The following NOL4 variants were observed in gnomAD, a reference collection of about 807,000 sequenced individuals.
NOL4 encodes the protein nucleolar protein 4, also known as cancer/testis antigen 125.
NOL4 carries 17 observed loss-of-function variants against 75.9 expected under a neutral mutation model. The ratio of observed to expected loss-of-function variants is 0.22; its 90% CI spans 0.15 to 0.34. The LOEUF is 0.34. Among genes scored for constraint, NOL4 ranks in the 10% least tolerant of loss-of-function variants. The pLI is 1.00. For synonymous variants in NOL4, 292 were observed against 289.9 expected, an observed-to-expected ratio of 1.01 and a Z score of -0.07; for missense variants, 614 against 793.5, an observed-to-expected ratio of 0.77 and a Z score of 2.72.
chr18:33,863,743 T>C (rs1227951867), intron 10 of NOL4, among the ~76,000 whole-genome samples: 1 of 152,102 alleles, frequency 6.6e-6, no homozygotes, highest in Non-Finnish European at 1.5e-5. Context: ...GTCTGGAGGA[T>C]GGTGGCCCTC....
At chr18:33,876,090 C>T (rs1206347147) in intron 10 of NOL4, among the ~76,000 whole-genome samples, 1 of 151,984 alleles carries the variant, frequency 6.6e-6, no homozygotes, top group Non-Finnish European at 1.5e-5. Context: ...TATCCAACTT[C>T]GCTTCTCTTA....
chr18:34,190,758 T>A (rs1028269407), intron 1 of NOL4, among the ~76,000 whole-genome samples: 2 of 151,708 alleles, frequency 1.3e-5, no homozygotes, highest in Admixed American at 6.6e-5. Flanking sequence ...TACCAATAAT[T>A]TAAATTATGC....
At chr18:34,078,493 C>G (rs1393549771) in intron 5 of NOL4, among the ~76,000 whole-genome samples, 1 of 152,202 alleles carries the variant, frequency 6.6e-6, no homozygotes, top group Non-Finnish European at 1.5e-5. Context: ...AATGCCATCA[C>G]TTCAACAGAT....
intron 10 of NOL4, among the ~76,000 whole-genome samples, chr18:33,879,581 T>A (rs545001215): frequency 3.3e-4 from 50 of 152,142 alleles, no homozygotes; most frequent in African/African-American, 9.6e-4. Flanking sequence ...CTCTGGAGGC[T>A]GAGATGGGAG....
At chr18:34,098,891 G>C (rs2078912313) in intron 4 of NOL4, among the ~76,000 whole-genome samples, 1 of 152,092 alleles carries the variant, frequency 6.6e-6, no homozygotes, top group Non-Finnish European at 1.5e-5. Flanking sequence ...AGGTAGAGCA[G>C]CATGTCAGTG....
intron 10 of NOL4, among the ~76,000 whole-genome samples, chr18:33,865,425 T>C (rs2063384000): frequency 6.6e-6 from 1 of 152,286 alleles, no homozygotes; most frequent in African/African-American, 2.4e-5. Context: ...TTTTCCAGTA[T>C]TTTTGATCTG....
Position 34,216,164 on chromosome 18 carries a change from G to A in NOL4, c.264+6826C>T, listed in dbSNP as rs1446287788. 2.0e-5 allele frequency among the ~76,000 whole-genome samples: 3 copies of A among 152,218 alleles called. No homozygotes were observed. The East Asian group carries it at 5.8e-4, about 29-fold the overall frequency. Reference sequence around the variant, plus strand: ...AAGTCATAAACAGGGGCACAGTTACGCAGGACAAAATATAGAGTTAGACAA... The same window carrying A: ...AAGTCATAAACAGGGGCACAGTTACACAGGACAAAATATAGAGTTAGACAA... On this transcript the variant is annotated intron_variant, in intron 1 of 10. Transcript: ENST00000261592.
At chr18:34,005,861 C>T (rs923012315) in intron 6 of NOL4, among the ~76,000 whole-genome samples, 1 of 152,038 alleles carries the variant, frequency 6.6e-6, no homozygotes, top group African/African-American at 2.4e-5. Flanking sequence ...TTATTTTCTC[C>T]CAGATAACCT....
chr18:34,170,451 C>A (rs2032920651), intron 1 of NOL4, among the ~76,000 whole-genome samples: 1 of 152,076 alleles, frequency 6.6e-6, no homozygotes, highest in South Asian at 2.1e-4. Context: ...CTCAGCCTCC[C>A]AAAGTGCTGG....
intron 9 of NOL4, among the ~76,000 whole-genome samples, chr18:33,934,295 G>A (rs546919210): frequency 6.6e-6 from 1 of 152,104 alleles, no homozygotes; most frequent in East Asian, 1.9e-4. Flanking sequence ...AAATTCTTAA[G>A]GGCCCTAGGA....
chr18:34,133,977 C>T (rs1449300966), intron 1 of NOL4, among the ~76,000 whole-genome samples: 1 of 152,124 alleles, frequency 6.6e-6, no homozygotes. Flanking sequence ...GAGCTGAGAT[C>T]ACGCCACTGC....
chr18:33,924,784 A>T (rs1258179073), intron 9 of NOL4, among the ~76,000 whole-genome samples: 3 of 152,220 alleles, frequency 2.0e-5, no homozygotes, highest in Non-Finnish European at 2.9e-5. Flanking sequence ...TTGTTGCTAC[A>T]TAGAGAACTA....
chr18:33,914,174 A>G (rs1405836499), intron 9 of NOL4, among the ~76,000 whole-genome samples: 2 of 152,000 alleles, frequency 1.3e-5, no homozygotes, highest in African/African-American at 4.8e-5. Flanking sequence ...TTTAAATGGG[A>G]TGGCCAGGAA....
intron 9 of NOL4, among the ~76,000 whole-genome samples, chr18:33,884,512 T>G (rs900846142): frequency 6.6e-6 from 1 of 152,138 alleles, no homozygotes; most frequent in African/African-American, 2.4e-5. Flanking sequence ...CTGTATATAT[T>G]TTCAATAGCA....
chr18:33,884,901 T>C (rs762205747), intron 9 of NOL4, among the ~76,000 whole-genome samples: 1 of 152,126 alleles, frequency 6.6e-6, no homozygotes, highest in Non-Finnish European at 1.5e-5. Flanking sequence ...AACACAGTTA[T>C]GGCTTTGCTC....
At chr18:33,981,544 TA>T (rs1252082077) in intron 6 of NOL4, among the ~76,000 whole-genome samples, 1 of 151,948 alleles carries the variant, frequency 6.6e-6, no homozygotes, top group Non-Finnish European at 1.5e-5. Context: ...TAGTGATGAT[TA>T]AAAAAGCCCC....
intron 5 of NOL4, among the ~76,000 whole-genome samples, chr18:34,026,177 G>T (rs527336051): frequency 6.6e-6 from 1 of 152,002 alleles, no homozygotes; most frequent in Non-Finnish European, 1.5e-5. Context: ...TATTTCCTAG[G>T]TTTTCTTGCC....
At chr18:34,024,192 A>ATATAT (rs1215950663) in intron 5 of NOL4, among the ~76,000 whole-genome samples, 14 of 76,172 alleles carry the variant, frequency 1.8e-4, no homozygotes, top group South Asian at 1.3e-3. Context: ...AAAAAAAAAA[A>ATATAT]AAATATATAT....
chr18:33,968,147 C>G (rs942379414), intron 6 of NOL4, among the ~76,000 whole-genome samples: 20 of 151,630 alleles, frequency 1.3e-4, no homozygotes, highest in Admixed American at 9.2e-4. Context: ...TCTGACGAGA[C>G]AGTAGAGAAA....
Sources: allele counts gnomAD v4.1 joint callset (sites outside exome capture counted in the v4.1 genomes callset), GRCh38; gene constraint gnomAD v4.1.1; transcripts MANE v1.5; gene names NCBI Gene and HGNC (gene_info 2026-07-23, HGNC 2026-07-21).